CCDC171: variants seen among roughly 807,000 people sequenced by gnomAD.
CCDC171 encodes the protein coiled-coil domain containing 171.
In CCDC171, 177 loss-of-function variants were observed where a neutral mutation model predicts 168.2. The observed-to-expected ratio is 1.05, with a 90% CI of 0.93 to 1.19. The LOEUF is 1.19. CCDC171 is among the 50% of genes most tolerant of loss of function. The probability of loss-of-function intolerance (pLI) is 0.00; values close to 1 mark genes in which losing one functional copy is unlikely to be tolerated. For missense variants in CCDC171, 1,991 were observed against 1,539.0 expected (o/e 1.29, Z -4.91); for synonymous variants, 687 against 540.8 (o/e 1.27, Z -3.75).
intron 11 of CCDC171, among the ~76,000 whole-genome samples, chr9:15,699,228 G>A (rs1436954562): frequency 6.6e-6 from 1 of 151,990 alleles, no homozygotes; most frequent in East Asian, 1.9e-4. Context: ...AGTGTTACAG[G>A]TCTTAAGGTG....
At chr9:16,032,157 A>C (rs1169939608) in intron 6 of CCDC171, among the ~76,000 whole-genome samples, 3 of 152,214 alleles carry the variant, frequency 2.0e-5, no homozygotes, top group African/African-American at 7.2e-5. Context: ...GGAAGGTGGC[A>C]GGAGAGGAAG....
At chr9:15,962,135 A>G (rs548937385) in intron 25 of CCDC171, among the ~76,000 whole-genome samples, 1 of 152,268 alleles carries the variant, frequency 6.6e-6, no homozygotes, top group African/African-American at 2.4e-5. Flanking sequence ...CATATCCTCG[A>G]TGGCCGCTTA....
At chr9:15,729,587 C>T (rs1327725223) in intron 15 of CCDC171, 23 bp from the exon 16 acceptor site, 7 of 1,507,556 alleles carry the variant, frequency 4.6e-6, no homozygotes, top group African/African-American at 2.8e-5. Context: ...ATATTTCCTT[C>T]TCTGTTGCAT....
At chr9:16,019,050 A>G (rs983926276) in intron 3 of CCDC171, among the ~76,000 whole-genome samples, 1 of 152,216 alleles carries the variant, frequency 6.6e-6, no homozygotes, top group African/African-American at 2.4e-5. Context: ...AGAAAACAGG[A>G]ACAAATCTGT....
chr9:15,884,819 A>G (rs1360516178), intron 24 of CCDC171, among the ~76,000 whole-genome samples: 3 of 152,158 alleles, frequency 2.0e-5, no homozygotes, highest in Non-Finnish European at 4.4e-5. Context: ...AAAATGCTAT[A>G]TTAGTAAAAG....
intron 18 of CCDC171, among the ~76,000 whole-genome samples, chr9:15,774,143 G>T (rs2057167525): frequency 6.6e-6 from 1 of 151,450 alleles, no homozygotes; most frequent in Non-Finnish European, 1.5e-5. Flanking sequence ...CTACTCGGGA[G>T]GCTGAAGTGA....
At chr9:15,615,027 T>A (rs1310213725) in intron 6 of CCDC171, among the ~76,000 whole-genome samples, 1 of 152,140 alleles carries the variant, frequency 6.6e-6, no homozygotes, top group Non-Finnish European at 1.5e-5. Flanking sequence ...AATGGAAACA[T>A]CTTGATAGCA....
chr9:15,570,900 C>A (rs554538854), intron 2 of CCDC171, among the ~76,000 whole-genome samples: 3 of 152,006 alleles, frequency 2.0e-5, no homozygotes, highest in African/African-American at 7.3e-5. Flanking sequence ...GGGAATAAAC[C>A]CCTAGTGTTT....
rs10756700 is a variant in CCDC171, at chr9:15,761,810, T to A, written c.2672-15790T>A. ...GATTTTTACAAATTTTGTGATTTCT[T>A]ATATTATCACTTTCACATTTTGCCA... On this transcript the variant is annotated intron_variant, in intron 18 of 25. Coordinates refer to ENST00000380701, the MANE Select transcript of CCDC171 (RefSeq NM_173550.4). 1.3e-4 allele frequency among the ~76,000 whole-genome samples: 20 copies of A among 152,030 alleles called. 1 individual carries two copies. In the South Asian group the frequency reaches 1.5e-3, roughly 11 times the overall value.
intron 16 of CCDC171, among the ~76,000 whole-genome samples, chr9:15,730,464 T>C (rs1394119580): frequency 6.6e-6 from 1 of 151,944 alleles, no homozygotes; most frequent in Admixed American, 6.6e-5. Flanking sequence ...TGATAGGGTA[T>C]ACTTTTTTGG....
chr9:15,738,460 T>C (rs1224827267), intron 16 of CCDC171, among the ~76,000 whole-genome samples: 1 of 152,178 alleles, frequency 6.6e-6, no homozygotes, highest in Non-Finnish European at 1.5e-5. Flanking sequence ...GATCGGAATG[T>C]TTTTATGGGG....
rs768420584 is a variant in CCDC171, at chr9:15,729,731, A to G, written c.1982A>G (p.His661Arg). 1 of 1,613,546 alleles carries G rather than the reference A, an allele frequency of 6.2e-7. No homozygotes were observed. The highest frequency in any genetic ancestry group is 8.5e-7 in the Non-Finnish European group (1 of 1,179,578). The stretch of plus-strand genomic sequence containing the variant: ...ATCAAAGCCCAAGAGAGCTGCTGGC[A>G]CAGACAAAAGAAGGAACTAGAGCTG... The part of the protein sequence containing the change: ...EQIKAQESCW[H>R]RQKKELELQY... The change falls in exon 16 of 26, where the codon CAC becomes CGC. Residue 661 changes from histidine (H) to arginine (R), a missense_variant. By Grantham distance (29) the His-to-Arg change is conservative. Transcript: ENST00000380701.
the CCDC171 span, among the ~76,000 whole-genome samples, chr9:16,081,042 A>G: frequency 5.3e-5 from 8 of 152,170 alleles, no homozygotes; most frequent in Non-Finnish European, 1.0e-4. Context: ...GTGGAAGCAC[A>G]TAGGCTTACA....
At chr9:15,864,602 C>T (rs1016523785) in intron 23 of CCDC171, among the ~76,000 whole-genome samples, 5 of 149,236 alleles carry the variant, frequency 3.4e-5, no homozygotes, top group African/African-American at 7.7e-5. Context: ...TAGAGCTTCT[C>T]CAAATGTGCC....
intron 25 of CCDC171, among the ~76,000 whole-genome samples, chr9:15,955,362 G>A (rs1728004107): frequency 6.6e-6 from 1 of 152,186 alleles, no homozygotes; most frequent in African/African-American, 2.4e-5. Context: ...AGGGGGAGTT[G>A]CAATGTGGGG....
chr9:16,095,899 T>TATATATATATATATATATATACACAC, the CCDC171 span, among the ~76,000 whole-genome samples: 3 of 140,198 alleles, frequency 2.1e-5, 1 homozygote, highest in African/African-American at 8.2e-5. Flanking sequence ...TATATATATA[T>TATATATATATATATATATATACACAC]ACTGCCTCCA....
At chr9:15,659,575 G>T (rs1280179933) in intron 8 of CCDC171, among the ~76,000 whole-genome samples, 1 of 152,128 alleles carries the variant, frequency 6.6e-6, no homozygotes, top group East Asian at 1.9e-4. Flanking sequence ...TAGCTGGTCA[G>T]TTATTACATT....
intron 25 of CCDC171, among the ~76,000 whole-genome samples, chr9:15,947,680 T>C (rs1320800065): frequency 6.6e-6 from 1 of 152,046 alleles, no homozygotes; most frequent in Non-Finnish European, 1.5e-5. Flanking sequence ...GGTATACAAA[T>C]ATCTCTTCAA....
Position 15,647,286 on chromosome 9 carries a change from A to C in CCDC171, c.823-9841A>C, listed in dbSNP as rs189861940. On this transcript the variant is annotated intron_variant, in intron 7 of 25. Transcript: ENST00000380701. ...GGGAAATATATAGCACTAAATGCCC[A>C]CAAGAGAAAGCAGGAAAGATCTAAA... Among the ~76,000 whole-genome samples the C allele has an allele frequency of 1.4e-3, 214 of 152,352 alleles. 1 individual carries two copies. The highest frequency in any genetic ancestry group is 4.4e-3 in the African/African-American group (183 of 41,572).
Sources: allele counts gnomAD v4.1 joint callset (sites outside exome capture counted in the v4.1 genomes callset), GRCh38; gene constraint gnomAD v4.1.1; transcripts MANE v1.5; gene names NCBI Gene and HGNC (gene_info 2026-07-23, HGNC 2026-07-21).